The following ZNF438 variants were observed in gnomAD, a reference collection of about 807,000 sequenced individuals.
ZNF438 encodes the protein zinc finger protein 438.
ZNF438 carries 25 observed loss-of-function variants against 38.0 expected under a neutral mutation model. That is an observed-to-expected ratio of 0.66 (90% CI 0.48 to 0.92). ZNF438 has a LOEUF of 0.92. Among genes scored for constraint, ZNF438 ranks in the 40% least tolerant of loss-of-function variants. The pLI is 0.00. For synonymous variants in ZNF438, 372 were observed against 364.1 expected (o/e 1.02, Z -0.25); for missense variants, 1,007 against 999.6 (o/e 1.01, Z -0.10).
intron 1 of ZNF438, among the ~76,000 whole-genome samples, chr10:31,014,621 G>A (rs113628078): frequency 3.4e-5 from 5 of 147,252 alleles, no homozygotes; most frequent in South Asian, 2.2e-4. Flanking sequence ...AAAGCCTAGC[G>A]AGAATCTACA....
chr10:30,872,084 G>T (rs1012687008), intron 4 of ZNF438, among the ~76,000 whole-genome samples: 1 of 152,074 alleles, frequency 6.6e-6, no homozygotes, highest in South Asian at 2.1e-4. Context: ...TAACTGTAAG[G>T]CTGACAAGTG....
rs770862515 is a variant in ZNF438 at position 30,849,666 on chromosome 10, T to C, written c.739A>G (p.Thr247Ala). ...GCAACAGCAGAAGGTTTACTAGATG[T>C]TATCTTGCTTACAAAGTGTGCTTTC... Residue 247 changes from threonine (T) to alanine (A), a missense_variant, in exon 5 of 6, where the codon ACA becomes GCA. Coordinates refer to ENST00000413025, the Ensembl canonical transcript of ZNF438. The C allele has an allele frequency of 1.9e-5, 30 of 1,614,050 alleles. No homozygotes were observed. Among genetic ancestry groups the C allele is most frequent in the Non-Finnish European group, 2.5e-5 (30 of 1,180,038 alleles).
At chr10:30,907,908 A>G (rs375612926) in intron 3 of ZNF438, among the ~76,000 whole-genome samples, 2 of 151,942 alleles carry the variant, frequency 1.3e-5, no homozygotes, top group East Asian at 3.9e-4. Context: ...CTTAAGGTGA[A>G]AAGTTGGGTT....
At chr10:30,965,943 T>C (rs1316764037) in intron 1 of ZNF438, among the ~76,000 whole-genome samples, 2 of 152,142 alleles carry the variant, frequency 1.3e-5, no homozygotes, top group Non-Finnish European at 2.9e-5. Flanking sequence ...TTTTTAAAAA[T>C]ACAAAGATGT....
intron 3 of ZNF438, among the ~76,000 whole-genome samples, chr10:30,892,934 CA>C (rs1429807696): frequency 6.6e-6 from 1 of 152,192 alleles, no homozygotes; most frequent in Non-Finnish European, 1.5e-5. Context: ...CACTGGTTGA[CA>C]ATTAGATTGT....
chr10:31,007,356 A>C (rs2055249631), intron 1 of ZNF438, among the ~76,000 whole-genome samples: 2 of 140,016 alleles, frequency 1.4e-5, no homozygotes, highest in Non-Finnish European at 3.0e-5. Context: ...ATCTCAGCTC[A>C]CTGCAACCTC....
intron 3 of ZNF438, among the ~76,000 whole-genome samples, chr10:30,886,289 C>G (rs1433009611): frequency 6.6e-6 from 1 of 152,106 alleles, no homozygotes; most frequent in African/African-American, 2.4e-5. Flanking sequence ...TAGGAACTGC[C>G]TGGATGAACT....
intron 2 of ZNF438, among the ~76,000 whole-genome samples, chr10:30,941,125 G>A (rs569464576): frequency 6.5e-4 from 98 of 151,718 alleles, no homozygotes; most frequent in African/African-American, 1.9e-3. Flanking sequence ...AGGCTGGACT[G>A]CAGTAGCGTG....
At chr10:30,961,475 T>C (rs2049483451) in intron 1 of ZNF438, among the ~76,000 whole-genome samples, 1 of 146,038 alleles carries the variant, frequency 6.8e-6, no homozygotes, top group African/African-American at 2.4e-5. Flanking sequence ...ACAAATGATT[T>C]GTGAAACTTC....
intron 4 of ZNF438, among the ~76,000 whole-genome samples, chr10:30,850,953 T>TGCA (rs1167741774): frequency 2.0e-5 from 3 of 152,224 alleles, no homozygotes; most frequent in Non-Finnish European, 4.4e-5. Flanking sequence ...TGAATTTGTT[T>TGCA]TGCACAGTGG....
intron 4 of ZNF438, among the ~76,000 whole-genome samples, chr10:30,871,091 C>A (rs1008040064): frequency 1.3e-5 from 2 of 152,106 alleles, no homozygotes; most frequent in Non-Finnish European, 2.9e-5. Flanking sequence ...AGTGAAACTA[C>A]GATTAGATAA....
intron 1 of ZNF438, among the ~76,000 whole-genome samples, chr10:30,963,639 C>T (rs895614232): frequency 2.0e-5 from 3 of 151,954 alleles, no homozygotes; most frequent in African/African-American, 7.3e-5. Flanking sequence ...TTTGGGAGGC[C>T]AAGGCGAGTG....
At chr10:30,872,316 T>G (rs1228246030) in intron 4 of ZNF438, among the ~76,000 whole-genome samples, 1 of 150,560 alleles carries the variant, frequency 6.6e-6, no homozygotes, top group Admixed American at 6.6e-5. Flanking sequence ...GTCCCAGCTA[T>G]TCGGGAGGCT....
chr10:30,869,896 C>A (rs1183512743), intron 4 of ZNF438, among the ~76,000 whole-genome samples: 1 of 152,156 alleles, frequency 6.6e-6, no homozygotes, highest in Non-Finnish European at 1.5e-5. Context: ...ATGTTAAGCA[C>A]TAAATGCAAA....
chr10:30,850,139 T>A lies in ZNF438; in HGVS notation c.266A>T (p.Glu89Val), dbSNP rs766193277. The change falls in exon 5 of 6, where the codon GAG becomes GTG. Residue 89 changes from glutamate to valine, a missense_variant. Glu to Val is a moderately radical substitution (Grantham distance 121, BLOSUM62 -2). Transcript: ENST00000413025. ...CAGAGCAACAAGAGAAAATGTCCCC[T>A]CCTGGCCAGCAACCTGCATCAGGGC... 3.7e-6 allele frequency: 6 copies of A among 1,614,118 alleles called. 1 individual carries two copies. In the Middle Eastern group the frequency reaches 6.6e-4, roughly 178 times the overall value.
intron 1 of ZNF438, among the ~76,000 whole-genome samples, chr10:30,977,373 TGGGGTGACAG>T (rs2051492944): frequency 6.6e-6 from 1 of 152,200 alleles, no homozygotes; most frequent in East Asian, 1.9e-4. Context: ...TGCCAAAATA[TGGGGTGACAG>T]GGGAAGGTGT....
chr10:31,002,406 A>AT (rs1205765269), intron 1 of ZNF438, among the ~76,000 whole-genome samples: 3 of 152,084 alleles, frequency 2.0e-5, no homozygotes, highest in East Asian at 1.9e-4. Flanking sequence ...GTGTTGTGTG[A>AT]TTTTTTTCAT....
At chr10:30,871,308 T>A (rs1047437237) in intron 4 of ZNF438, among the ~76,000 whole-genome samples, 23 of 152,154 alleles carry the variant, frequency 1.5e-4, no homozygotes, top group Middle Eastern at 3.2e-3. Context: ...TAGAATTCCA[T>A]CCACTTTGGT....
intron 1 of ZNF438, among the ~76,000 whole-genome samples, chr10:31,014,899 C>T (rs1286017502): frequency 6.6e-6 from 1 of 152,080 alleles, no homozygotes; most frequent in Admixed American, 6.6e-5. Flanking sequence ...GACAGAGTCT[C>T]ACTCTGTAAC....
Sources: gnomAD v4.1 joint callset for allele counts (sites outside exome capture counted in the v4.1 genomes callset) on GRCh38, gnomAD v4.1.1 for gene constraint, MANE v1.5 for transcripts, NCBI Gene and HGNC (gene_info 2026-07-23, HGNC 2026-07-21) for gene names.